REDIC1: variants seen among roughly 807,000 people sequenced by gnomAD.
REDIC1 encodes regulator of DNA class I crossover intermediates 1.
At chr12:39,803,204 C>CAAAAAAAA in the REDIC1 span, among the ~76,000 whole-genome samples, 2 of 73,736 alleles carry the variant, frequency 2.7e-5, no homozygotes, top group Non-Finnish European at 6.1e-5. Flanking sequence ...GAAGCAAATG[C>CAAAAAAAA]AAAAAAAAAA....
At chr12:39,670,937 G>A in the REDIC1 span, among the ~76,000 whole-genome samples, 2 of 151,574 alleles carry the variant, frequency 1.3e-5, no homozygotes, top group African/African-American at 4.8e-5. Context: ...ATTCTAAATT[G>A]GTTTGCTGAT....
the REDIC1 span, among the ~76,000 whole-genome samples, chr12:39,712,106 ATATATAC>A: frequency 8.9e-6 from 1 of 112,944 alleles, no homozygotes; most frequent in Non-Finnish European, 2.1e-5. Flanking sequence ...ATATACCTGT[ATATATAC>A]CTGTATATAT....
chr12:39,908,133 G>A, the REDIC1 span: 1 of 151,964 alleles, frequency 6.6e-6, no homozygotes, highest in Non-Finnish European at 1.5e-5. Flanking sequence ...TGACAATGAG[G>A]AGACAGAAAA....
the REDIC1 span, among the ~76,000 whole-genome samples, chr12:39,776,064 C>G: frequency 6.6e-6 from 1 of 152,164 alleles, no homozygotes; most frequent in African/African-American, 2.4e-5. Context: ...AGTTTAGTGA[C>G]TCATAGACAG....
chr12:39,713,735 A>G, the REDIC1 span, among the ~76,000 whole-genome samples: 2 of 149,606 alleles, frequency 1.3e-5, no homozygotes, highest in South Asian at 2.1e-4. Context: ...ATGCGTATAT[A>G]CATATGTATA....
the REDIC1 span, among the ~76,000 whole-genome samples, chr12:39,846,318 G>A: frequency 6.6e-6 from 1 of 152,130 alleles, no homozygotes; most frequent in Non-Finnish European, 1.5e-5. Context: ...GACAATAGGA[G>A]CATCACATTT....
At chr12:39,842,243 T>A in the REDIC1 span, among the ~76,000 whole-genome samples, 26 of 152,170 alleles carry the variant, frequency 1.7e-4, 1 homozygote, top group South Asian at 5.4e-3. Flanking sequence ...ATACAGAAAG[T>A]ACTTTAACAT....
the REDIC1 span, among the ~76,000 whole-genome samples, chr12:39,773,260 C>T: frequency 2.0e-5 from 3 of 152,116 alleles, no homozygotes; most frequent in African/African-American, 7.2e-5. Flanking sequence ...GACAAAGCAG[C>T]AGAATTGCAT....
chr12:39,670,673 G>T, the REDIC1 span, among the ~76,000 whole-genome samples: 4 of 151,382 alleles, frequency 2.6e-5, no homozygotes, highest in South Asian at 8.3e-4. Flanking sequence ...CACCTTTCGG[G>T]ATACTCAACA....
chr12:39,688,717 AAAT>A, the REDIC1 span, among the ~76,000 whole-genome samples: 3 of 152,234 alleles, frequency 2.0e-5, no homozygotes, highest in African/African-American at 7.2e-5. Flanking sequence ...TTAGGGGAAG[AAAT>A]AATGAGAGCT....
chr12:39,801,254 A>G, the REDIC1 span, among the ~76,000 whole-genome samples: 1 of 147,490 alleles, frequency 6.8e-6, no homozygotes, highest in Non-Finnish European at 1.5e-5. Flanking sequence ...AATTAAAAAA[A>G]AAATCATTTA....
the REDIC1 span, among the ~76,000 whole-genome samples, chr12:39,708,457 T>C: frequency 6.6e-6 from 1 of 151,826 alleles, no homozygotes; most frequent in East Asian, 1.9e-4. Context: ...AATTGATCAA[T>C]TTTTTCTTTT....
At chr12:39,728,780 CT>C in the REDIC1 span, among the ~76,000 whole-genome samples, 53 of 92,156 alleles carry the variant, frequency 5.8e-4, no homozygotes, top group East Asian at 7.4e-3. Context: ...TGGTCCTGGG[CT>C]TTTTTTTTTT....
At chr12:39,784,762 A>C in the REDIC1 span, among the ~76,000 whole-genome samples, 1 of 152,218 alleles carries the variant, frequency 6.6e-6, no homozygotes, top group Non-Finnish European at 1.5e-5. Flanking sequence ...GCACAGCAAA[A>C]GAAACTACCA....
the REDIC1 span, among the ~76,000 whole-genome samples, chr12:39,899,580 C>G: frequency 6.6e-6 from 1 of 152,024 alleles, no homozygotes; most frequent in African/African-American, 2.4e-5. Flanking sequence ...GTTAGGGTGT[C>G]AATTTTGGAT....
At chr12:39,739,369 CACTT>C in the REDIC1 span, among the ~76,000 whole-genome samples, 1 of 152,280 alleles carries the variant, frequency 6.6e-6, no homozygotes, top group South Asian at 2.1e-4. Context: ...TTCATTCAGT[CACTT>C]AGTCAGTAAA....
the REDIC1 span, among the ~76,000 whole-genome samples, chr12:39,723,818 C>T: frequency 3.3e-5 from 5 of 152,142 alleles, no homozygotes; most frequent in South Asian, 4.1e-4. Context: ...AGGAAGTTTC[C>T]ATCTGTAATA....
chr12:39,665,082 T>A, the REDIC1 span, among the ~76,000 whole-genome samples: 3 of 152,166 alleles, frequency 2.0e-5, no homozygotes, highest in Non-Finnish European at 4.4e-5. Flanking sequence ...TTTAATTAGA[T>A]CCCATTTGTC....
chr12:39,712,121 T>C, the REDIC1 span, among the ~76,000 whole-genome samples: 2 of 141,132 alleles, frequency 1.4e-5, no homozygotes, highest in Admixed American at 1.4e-4. Context: ...TACCTGTATA[T>C]ATACCTGTAT....
Sources: gnomAD v4.1 joint callset for allele counts (sites outside exome capture counted in the v4.1 genomes callset) on GRCh38, gnomAD v4.1.1 for gene constraint, MANE v1.5 for transcripts, NCBI Gene and HGNC (gene_info 2026-07-23, HGNC 2026-07-21) for gene names.